CCSER2: variants seen among roughly 807,000 people sequenced by gnomAD.
The protein encoded by CCSER2 is coiled-coil serine rich protein 2, also known as serine-rich coiled-coil domain-containing protein 2.
In CCSER2, 46 loss-of-function variants were observed where a neutral mutation model predicts 92.3. The ratio of observed to expected loss-of-function variants is 0.50; its 90% confidence interval spans 0.39 to 0.64. The LOEUF is 0.64. CCSER2 is among the 30% of genes least tolerant of loss of function. The probability of loss-of-function intolerance (pLI) is 0.00; values close to 1 mark genes in which losing one functional copy is unlikely to be tolerated. For synonymous variants in CCSER2, 433 were observed against 431.4 expected (o/e 1.00, Z -0.04); for missense variants, 1,244 against 1,238.9 (o/e 1.00, Z -0.06).
At chr10:84,408,490 C>T (rs1449546061) in intron 3 of CCSER2, among the ~76,000 whole-genome samples, 4 of 151,970 alleles carry the variant, frequency 2.6e-5, no homozygotes, top group African/African-American at 7.2e-5. Flanking sequence ...CTTTCCTTTT[C>T]GACTGGGCTT....
intron 3 of CCSER2, among the ~76,000 whole-genome samples, chr10:84,405,670 A>G (rs933170525): frequency 4.6e-5 from 7 of 152,218 alleles, no homozygotes; most frequent in Admixed American, 3.9e-4. Flanking sequence ...CACTTTATCA[A>G]AAAGGATGTA....
chr10:84,428,452 G>C (rs1564652731), intron 5 of CCSER2, among the ~76,000 whole-genome samples: 1 of 152,180 alleles, frequency 6.6e-6, no homozygotes, highest in Non-Finnish European at 1.5e-5. Flanking sequence ...CTTACCTCCT[G>C]CTGTGTGGCC....
At chr10:84,329,545 AAG>A (rs1276352236) in intron 1 of CCSER2, among the ~76,000 whole-genome samples, 1 of 152,212 alleles carries the variant, frequency 6.6e-6, no homozygotes, top group East Asian at 1.9e-4. Context: ...TCACTCCTGT[AAG>A]AGAGAAATTG....
intron 6 of CCSER2, among the ~76,000 whole-genome samples, chr10:84,457,153 C>T (rs1477272170): frequency 2.2e-5 from 3 of 136,802 alleles, no homozygotes; most frequent in Non-Finnish European, 3.1e-5. Context: ...GCATTATGCT[C>T]GGTATTTACT....
intron 7 of CCSER2, among the ~76,000 whole-genome samples, chr10:84,465,470 A>C (rs868393494): frequency 1.3e-5 from 2 of 151,322 alleles, no homozygotes; most frequent in African/African-American, 4.9e-5. Flanking sequence ...AATTACAGGC[A>C]TCTGCCACCA....
chr10:84,367,763 T>C (rs1010464952), intron 1 of CCSER2, among the ~76,000 whole-genome samples: 1 of 152,000 alleles, frequency 6.6e-6, no homozygotes, highest in Non-Finnish European at 1.5e-5. Context: ...TCCTTAACGC[T>C]GAAGCCTTTC....
chr10:84,390,699 C>T (rs1841472652), intron 3 of CCSER2, among the ~76,000 whole-genome samples: 1 of 152,126 alleles, frequency 6.6e-6, no homozygotes, highest in South Asian at 2.1e-4. Context: ...GATTAACTTC[C>T]ATCTTTGTAA....
intron 6 of CCSER2, chr10:84,454,602 A>G (rs949881652): frequency 2.0e-5 from 3 of 152,676 alleles, no homozygotes; most frequent in Admixed American, 6.5e-5. Context: ...TCAAATTTAT[A>G]TATGCAGCTC....
intron 3 of CCSER2, among the ~76,000 whole-genome samples, chr10:84,387,264 A>G (rs761376206): frequency 6.6e-6 from 1 of 152,114 alleles, no homozygotes; most frequent in Non-Finnish European, 1.5e-5. Flanking sequence ...CTGTTCAATG[A>G]TGAGACCCCA....
At chr10:84,476,319 A>G (rs1408599712) in intron 8 of CCSER2, among the ~76,000 whole-genome samples, 1 of 151,688 alleles carries the variant, frequency 6.6e-6, no homozygotes, top group Non-Finnish European at 1.5e-5. Flanking sequence ...TTTTAACCTG[A>G]TGGAATAATC....
intron 6 of CCSER2, among the ~76,000 whole-genome samples, chr10:84,462,630 C>G (rs1343132905): frequency 6.6e-6 from 1 of 152,158 alleles, no homozygotes; most frequent in Non-Finnish European, 1.5e-5. Context: ...GTTCTTAGAT[C>G]AAAGTCTTAA....
intron 7 of CCSER2, 30 bp downstream of exon 7, chr10:84,464,046 C>A: frequency 2.4e-6 from 3 of 1,237,698 alleles, no homozygotes; most frequent in Non-Finnish European, 3.5e-6. Context: ...CTGGATTTTT[C>A]AAAATTCTTT....
intron 1 of CCSER2, among the ~76,000 whole-genome samples, chr10:84,339,126 T>G (rs1191842925): frequency 1.4e-5 from 1 of 70,494 alleles, no homozygotes; most frequent in African/African-American, 1.2e-4. Flanking sequence ...TTTTTTTTGT[T>G]TTTTTTTTTG....
At chr10:84,363,462 G>GT (rs1845617203) in intron 1 of CCSER2, among the ~76,000 whole-genome samples, 1 of 152,130 alleles carries the variant, frequency 6.6e-6, no homozygotes, top group Non-Finnish European at 1.5e-5. Context: ...GATTTCCGAA[G>GT]TAACTGCTTA....
At chr10:84,452,482 C>G (rs1270736070) in intron 6 of CCSER2, among the ~76,000 whole-genome samples, 2 of 152,168 alleles carry the variant, frequency 1.3e-5, no homozygotes. Flanking sequence ...TAATAAAATG[C>G]TGATAATGTA....
At chr10:84,354,150 G>A (rs1845024488) in intron 1 of CCSER2, among the ~76,000 whole-genome samples, 1 of 152,062 alleles carries the variant, frequency 6.6e-6, no homozygotes, top group South Asian at 2.1e-4. Flanking sequence ...GGTGAGCTGT[G>A]TTTGCACTAC....
intron 3 of CCSER2, among the ~76,000 whole-genome samples, chr10:84,404,198 A>G (rs1842260872): frequency 6.6e-6 from 1 of 152,188 alleles, no homozygotes; most frequent in Non-Finnish European, 1.5e-5. Flanking sequence ...AATCCACAGG[A>G]TACACAGGGG....
chr10:84,457,688 A>G (rs1376395911), intron 6 of CCSER2, among the ~76,000 whole-genome samples: 1 of 126,366 alleles, frequency 7.9e-6, no homozygotes, highest in South Asian at 2.2e-4. Context: ...TATAAATTAT[A>G]TATATTTATA....
At chr10:84,354,762 G>C (rs1171086972) in intron 1 of CCSER2, among the ~76,000 whole-genome samples, 1 of 151,536 alleles carries the variant, frequency 6.6e-6, no homozygotes, top group Admixed American at 6.6e-5. Flanking sequence ...ACACCCTCGC[G>C]TATGCTCTCT....
Sources: allele counts gnomAD v4.1 joint callset (sites outside exome capture counted in the v4.1 genomes callset), GRCh38; gene constraint gnomAD v4.1.1; transcripts MANE v1.5; gene names NCBI Gene and HGNC (gene_info 2026-07-23, HGNC 2026-07-21).